GRIK4: variants seen among roughly 807,000 people sequenced by gnomAD.
GRIK4 encodes the protein glutamate ionotropic receptor kainate type subunit 4.
In GRIK4, 40 loss-of-function variants were observed where a neutral mutation model predicts 104.9. That is an observed-to-expected ratio of 0.38 (90% CI 0.30 to 0.50). The LOEUF (loss-of-function observed/expected upper bound fraction) is 0.50, where lower values mean the gene tolerates loss of function less well. Ranked by LOEUF, GRIK4 falls within the 20% of genes least tolerant of loss-of-function variation. GRIK4 has a pLI of 0.93. For missense variants in GRIK4, 1,047 were observed against 1,308.1 expected (o/e 0.80, Z 3.08); for synonymous variants, 485 against 524.9 (o/e 0.92, Z 1.04).
chr11:120,889,846 C>T (rs901215683), intron 11 of GRIK4, among the ~76,000 whole-genome samples: 30 of 151,978 alleles, frequency 2.0e-4, no homozygotes, highest in African/African-American at 7.0e-4. Flanking sequence ...TCAGGTAATC[C>T]GCCTGCCTTG....
intron 11 of GRIK4, among the ~76,000 whole-genome samples, chr11:120,896,815 G>T (rs1255499695): frequency 6.6e-6 from 1 of 152,208 alleles, no homozygotes; most frequent in Non-Finnish European, 1.5e-5. Flanking sequence ...ACTTGTGTGG[G>T]TCTTCCAGGG....
At chr11:120,809,122 G>T (rs1472968659) in intron 4 of GRIK4, among the ~76,000 whole-genome samples, 1 of 152,166 alleles carries the variant, frequency 6.6e-6, no homozygotes, top group African/African-American at 2.4e-5. Flanking sequence ...GAGGGACCCT[G>T]TGAAGATGCA....
chr11:120,907,820 A>T (rs999813835), intron 13 of GRIK4, among the ~76,000 whole-genome samples: 13 of 152,016 alleles, frequency 8.6e-5, no homozygotes, highest in African/African-American at 2.7e-4. Flanking sequence ...CTTAGGGAGG[A>T]TGGGTGGGAG....
At chr11:120,837,401 A>G (rs1953601314) in intron 8 of GRIK4, among the ~76,000 whole-genome samples, 1 of 152,192 alleles carries the variant, frequency 6.6e-6, no homozygotes, top group Non-Finnish European at 1.5e-5. Context: ...GACTCCCACA[A>G]CAGGCTTGTC....
intron 8 of GRIK4, among the ~76,000 whole-genome samples, chr11:120,847,303 G>C (rs1193562756): frequency 6.6e-6 from 1 of 152,140 alleles, no homozygotes; most frequent in South Asian, 2.1e-4. Flanking sequence ...CTGTGTGCTG[G>C]GGATACAATG....
chr11:120,512,778 A>T (rs1947679332), intron 1 of GRIK4, among the ~76,000 whole-genome samples: 1 of 152,082 alleles, frequency 6.6e-6, no homozygotes, highest in East Asian at 1.9e-4. Context: ...CACTGAGAGC[A>T]CCTGTGTCTC....
intron 1 of GRIK4, among the ~76,000 whole-genome samples, chr11:120,589,805 A>G (rs1029615829): frequency 6.6e-6 from 1 of 152,210 alleles, no homozygotes; most frequent in African/African-American, 2.4e-5. Flanking sequence ...AAAGGTATTG[A>G]TAGCCAAAAA....
At chr11:120,820,858 C>T (rs1237809667) in intron 6 of GRIK4, among the ~76,000 whole-genome samples, 2 of 152,250 alleles carry the variant, frequency 1.3e-5, no homozygotes, top group Admixed American at 6.5e-5. Context: ...GAACCACCTA[C>T]TTTCCCAGAC....
chr11:120,557,468 C>T (rs1401569050), intron 1 of GRIK4, among the ~76,000 whole-genome samples: 2 of 152,208 alleles, frequency 1.3e-5, no homozygotes, highest in East Asian at 3.9e-4. Flanking sequence ...TGGGAGTACT[C>T]AGCCAAGACA....
At chr11:120,720,049 C>G (rs1950902601) in intron 3 of GRIK4, among the ~76,000 whole-genome samples, 1 of 151,362 alleles carries the variant, frequency 6.6e-6, no homozygotes, top group Non-Finnish European at 1.5e-5. Flanking sequence ...CAAGCTGTTT[C>G]AGGAAATAAC....
intron 3 of GRIK4, among the ~76,000 whole-genome samples, chr11:120,769,106 G>A (rs527493903): frequency 5.9e-5 from 9 of 152,260 alleles, no homozygotes; most frequent in African/African-American, 2.2e-4. Context: ...AGTTTAAGAA[G>A]CCCTGGTAGT....
At chr11:120,680,739 A>G (rs538110745) in intron 3 of GRIK4, among the ~76,000 whole-genome samples, 5 of 152,334 alleles carry the variant, frequency 3.3e-5, no homozygotes, top group African/African-American at 1.2e-4. Context: ...CTGAAATAGG[A>G]CAGCAAAGCA....
intron 3 of GRIK4, among the ~76,000 whole-genome samples, chr11:120,668,786 C>A (rs968709841): frequency 6.6e-6 from 1 of 152,140 alleles, no homozygotes; most frequent in African/African-American, 2.4e-5. Context: ...TGAGCTCCAC[C>A]CTTTACTAGT....
At chr11:120,692,687 C>T (rs1364479824) in intron 3 of GRIK4, among the ~76,000 whole-genome samples, 4 of 152,140 alleles carry the variant, frequency 2.6e-5, no homozygotes, top group African/African-American at 7.2e-5. Flanking sequence ...GATGGAGACC[C>T]GGTGTGCCTT....
chr11:120,793,684 C>T lies in GRIK4; in HGVS notation c.83-9009C>T, dbSNP rs762995258. Among the ~76,000 whole-genome samples, 80 of 148,430 alleles carry T rather than the reference C, an allele frequency of 5.4e-4. 1 individual carries two copies. The highest frequency in any genetic ancestry group is 1.7e-3 in the South Asian group (8 of 4,594). On this transcript the variant is annotated intron_variant, in intron 3 of 20. Coordinates refer to ENST00000527524, the MANE Select transcript of GRIK4 (RefSeq NM_014619.5). ...ATGTTAGGGGCTGAGAGTAGGGTGA[C>T]GGTTTGAGGTGAAGGCAGTGGTTAC...
At chr11:120,576,810 A>G (rs994480433) in intron 1 of GRIK4, among the ~76,000 whole-genome samples, 10 of 152,150 alleles carry the variant, frequency 6.6e-5, no homozygotes, top group African/African-American at 1.9e-4. Context: ...AGGCCCCTCT[A>G]TGACCACCAG....
intron 6 of GRIK4, among the ~76,000 whole-genome samples, chr11:120,827,241 T>C (rs944719989): frequency 6.6e-5 from 10 of 152,212 alleles, no homozygotes; most frequent in African/African-American, 2.4e-4. Context: ...CCTGCGGCTG[T>C]GTCCACCCCT....
At position 120,986,626 on chromosome 11, in the gene GRIK4, CT is replaced by C. The variant is rs1944759638; in HGVS notation, c.*367del. ...GTGGAATCATCAGTTGAATTTCCCC[CT>C]AGTCAGGGGCCAATGTACCCTCCGT... On this transcript the variant is annotated 3_prime_UTR_variant, in exon 21 of 21. Coordinates refer to ENST00000527524, the MANE Select transcript of GRIK4 (RefSeq NM_014619.5). 1 of 196,584 alleles carries C rather than the reference CT, an allele frequency of 5.1e-6. No individual in the cohort carries two copies. Among genetic ancestry groups the C allele is most frequent in the Non-Finnish European group, 1.0e-5 (1 of 98,776 alleles). 12.2% of individuals were successfully genotyped at this position (196,584 alleles called of 1,614,324 possible).
At position 120,803,814 on chromosome 11, in the gene GRIK4, G is replaced by A. The variant is rs560312197; in HGVS notation, c.247+957G>A. On this transcript the variant is annotated intron_variant, in intron 4 of 20. Coordinates refer to ENST00000527524, the MANE Select transcript of GRIK4 (RefSeq NM_014619.5). ...GTTTTACAGGCATATGTAGTAGGTC[G>A]CTCAAGTCACACATATGGAGCCCCT... 4.3e-4 allele frequency among the ~76,000 whole-genome samples: 65 copies of A among 152,308 alleles called. 1 individual carries two copies. Among genetic ancestry groups the A allele is most frequent in the African/African-American group, 1.5e-3 (62 of 41,568 alleles).
Sources: gnomAD v4.1 joint callset for allele counts (sites outside exome capture counted in the v4.1 genomes callset) on GRCh38, gnomAD v4.1.1 for gene constraint, MANE v1.5 for transcripts, NCBI Gene and HGNC (gene_info 2026-07-23, HGNC 2026-07-21) for gene names.